The following LY75 variants were observed in gnomAD, a reference collection of about 807,000 sequenced individuals.
LY75 encodes lymphocyte antigen 75, also known as C-type lectin domain family 13 member B.
A neutral mutation model predicts 231.7 loss-of-function variants in LY75; 185 were observed. That is an observed-to-expected ratio of 0.80 (90% confidence interval 0.71 to 0.90). The LOEUF (loss-of-function observed/expected upper bound fraction) is 0.90. LY75 is among the 40% of genes least tolerant of loss of function. The probability of loss-of-function intolerance (pLI) is 0.00; values close to 1 mark genes in which losing one functional copy is unlikely to be tolerated. For synonymous variants in LY75, 668 were observed against 689.0 expected, an observed-to-expected ratio of 0.97 and a Z score of 0.48; for missense variants, 1,947 against 2,050.2, an observed-to-expected ratio of 0.95 and a Z score of 0.97.
chr2:159,855,466 T>G (rs1385324162), intron 16 of LY75, among the ~76,000 whole-genome samples: 10 of 152,164 alleles, frequency 6.6e-5, no homozygotes, highest in Non-Finnish European at 1.3e-4. Flanking sequence ...TTTGAGAAGA[T>G]GAGACAAAAC....
chr2:159,878,528 C>T, intron 10 of LY75, 35 bp from the exon 11 acceptor site: 1 of 1,612,682 alleles, frequency 6.2e-7, no homozygotes, highest in Non-Finnish European at 8.5e-7. Flanking sequence ...AAGTGTTTCA[C>T]AATGATTGAC....
intron 29 of LY75, 149 bp downstream of exon 29, chr2:159,819,577 A>T: frequency 1.1e-6 from 1 of 939,784 alleles, no homozygotes; most frequent in Non-Finnish European, 1.5e-6. Flanking sequence ...CAGGGCCCGT[A>T]TCTTTTCCTT....
chr2:159,882,047 T>A, intron 7 of LY75, 77 bp downstream of exon 7: 4 of 1,497,296 alleles, frequency 2.7e-6, no homozygotes, highest in Middle Eastern at 2.0e-4. Context: ...AAGCTTTTCA[T>A]TCCCACAAAG....
intron 12 of LY75, among the ~76,000 whole-genome samples, chr2:159,874,604 T>TATTTTGTAAATATATATAAATATGTAC (rs1560093757): frequency 3.2e-5 from 4 of 126,796 alleles, no homozygotes; most frequent in Admixed American, 8.9e-5. Context: ...TATAAATATA[T>TATTTTGTAAATATATATAAATATGTAC]ATATTTTGTA....
Position 159,890,372 on chromosome 2 carries a change from C to T in LY75, c.643G>A (p.Gly215Ser), listed in dbSNP as rs544947457. ...TTCTTTTCCCAATTATCTTCACAAC[C>T]GTTTTCTGTTGATAAAGACACGTTA... ...KWGICLKPEN[G>S]CEDNWEKNEQ... Residue 215 changes from glycine to serine, a missense_variant, in exon 4 of 35, where the codon GGT becomes AGT. Gly to Ser is a moderately conservative substitution (Grantham distance 56, BLOSUM62 0). Transcript: ENST00000263636. 23 of 1,612,808 alleles carry T rather than the reference C, an allele frequency of 1.4e-5. 1 individual carries two copies. Among genetic ancestry groups the T allele is most frequent in the South Asian group, 3.3e-5 (3 of 90,994 alleles).
At chr2:159,890,518 T>C (rs781161314) in intron 3 of LY75, 141 bp from the exon 4 acceptor site, 4 of 1,162,374 alleles carry the variant, frequency 3.4e-6, no homozygotes, top group Non-Finnish European at 3.6e-6. Flanking sequence ...ATTTAGACCA[T>C]ATTTTGATCA....
chr2:159,856,582 C>T (rs534775238), intron 16 of LY75, among the ~76,000 whole-genome samples: 18 of 152,128 alleles, frequency 1.2e-4, no homozygotes, highest in African/African-American at 2.2e-4. Flanking sequence ...AGGTACAGTA[C>T]GGTCAAAAAA....
At chr2:159,896,784 T>G (rs1685918777) in intron 2 of LY75, among the ~76,000 whole-genome samples, 1 of 152,196 alleles carries the variant, frequency 6.6e-6, no homozygotes, top group Non-Finnish European at 1.5e-5. Context: ...ATTTCTGACA[T>G]GTAGAACTTA....
At chr2:159,851,366 G>C (rs1234864661) in intron 21 of LY75, among the ~76,000 whole-genome samples, 1 of 151,680 alleles carries the variant, frequency 6.6e-6, no homozygotes, top group African/African-American at 2.4e-5. Flanking sequence ...TTTTTTTTCA[G>C]CTTTCTTATA....
chr2:159,861,559 G>A (rs1684699514), intron 14 of LY75, among the ~76,000 whole-genome samples: 1 of 152,022 alleles, frequency 6.6e-6, no homozygotes, highest in Non-Finnish European at 1.5e-5. Flanking sequence ...ACCAGCCTGG[G>A]CAACATGGTG....
intron 4 of LY75, among the ~76,000 whole-genome samples, chr2:159,889,392 A>T (rs1375849906): frequency 6.6e-6 from 1 of 151,348 alleles, no homozygotes; most frequent in African/African-American, 2.4e-5. Context: ...ACAGCCAATT[A>T]AAAAAAAATT....
chr2:159,827,082 C>T (rs148168730), intron 28 of LY75, among the ~76,000 whole-genome samples: 2,500 of 152,164 alleles, frequency 0.016, 34 homozygotes, highest in Non-Finnish European at 0.022. Flanking sequence ...CCAAAAGCAA[C>T]GGCAACAAAA....
chr2:159,853,849 C>T lies in LY75; in HGVS notation c.2596-152G>A, dbSNP rs558976221. On this transcript the variant is annotated intron_variant, in intron 18 of 34. Coordinates refer to ENST00000263636, the MANE Select transcript of LY75 (RefSeq NM_002349.4). The stretch of plus-strand genomic sequence containing the variant: ...AAATTATACAAACTAGAACCTTTTG[C>T]CAAAGAGTAGTTGAAATTTCTCAGT... The T allele has an allele frequency of 7.1e-6, 7 of 991,820 alleles. No individual in the cohort carries two copies. In the African/African-American group the frequency reaches 9.8e-5, roughly 14 times the overall value. The allele number at this position is 991,820 out of a possible 1,614,324, so 61.4% of individuals were successfully genotyped here. A position where few individuals can be genotyped will look rare whatever the true frequency, so the allele number is the denominator to read the frequency against.
intron 3 of LY75, among the ~76,000 whole-genome samples, chr2:159,891,784 T>A (rs1328681409): frequency 6.6e-6 from 1 of 152,240 alleles, no homozygotes; most frequent in Non-Finnish European, 1.5e-5. Context: ...AAAAATGTGG[T>A]CTGACCCTGA....
intron 23 of LY75, 93 bp from the exon 24 acceptor site, chr2:159,842,467 C>G: frequency 7.2e-7 from 1 of 1,396,372 alleles, no homozygotes; most frequent in Non-Finnish European, 9.4e-7. Context: ...GAATTTGTCC[C>G]CCTATAAAAG....
chr2:159,841,051 A>G, intron 24 of LY75, 96 bp from the exon 25 acceptor site: 1 of 1,512,772 alleles, frequency 6.6e-7, no homozygotes, highest in Non-Finnish European at 8.8e-7. Context: ...TACTAATCTA[A>G]TTTAGATATT....
chr2:159,809,160 G>C (rs114522698), intron 32 of LY75, among the ~76,000 whole-genome samples: 12 of 152,190 alleles, frequency 7.9e-5, no homozygotes, highest in African/African-American at 2.9e-4. Context: ...TCTCCACAAC[G>C]GTTATCAGAA....
chr2:159,874,929 A>AAT (rs1445297475), intron 12 of LY75, among the ~76,000 whole-genome samples: 1 of 137,294 alleles, frequency 7.3e-6, no homozygotes, highest in Non-Finnish European at 1.5e-5. Flanking sequence ...TATATTTATA[A>AAT]ATATATATAT....
intron 1 of LY75, among the ~76,000 whole-genome samples, chr2:159,899,975 G>T (rs868728493): frequency 1.3e-5 from 2 of 152,178 alleles, no homozygotes; most frequent in Non-Finnish European, 2.9e-5. Context: ...GGAAAGCCTG[G>T]GGGGATTGAC....
Sources: gnomAD v4.1 joint callset for allele counts (sites outside exome capture counted in the v4.1 genomes callset) on GRCh38, gnomAD v4.1.1 for gene constraint, MANE v1.5 for transcripts, NCBI Gene and HGNC (gene_info 2026-07-23, HGNC 2026-07-21) for gene names.